The following PAMR1 variants were observed in gnomAD, a reference collection of about 807,000 sequenced individuals.
PAMR1 encodes peptidase domain containing associated with muscle regeneration 1.
A neutral mutation model predicts 81.8 loss-of-function variants in PAMR1; 88 were observed. That is an observed-to-expected ratio of 1.08 (90% CI 0.91 to 1.28). PAMR1 has a LOEUF of 1.28. PAMR1 is among the 50% of genes most tolerant of loss of function. The pLI, the probability that PAMR1 is intolerant of heterozygous loss-of-function variation, is 0.00. For missense variants in PAMR1, 935 were observed against 919.7 expected, an observed-to-expected ratio of 1.02 and a Z score of -0.21; for synonymous variants, 336 against 345.3, an observed-to-expected ratio of 0.97 and a Z score of 0.30.
chr11:35,482,433 C>T (rs992634414), intron 3 of PAMR1, among the ~76,000 whole-genome samples: 8 of 152,200 alleles, frequency 5.3e-5, no homozygotes, highest in Admixed American at 6.5e-5. Flanking sequence ...ATTTTGATTA[C>T]TGTAGCCTTG....
chr11:35,474,449 T>A (rs16927509), intron 4 of PAMR1, among the ~76,000 whole-genome samples, 181 bp downstream of exon 4: 47,888 of 152,126 alleles, frequency 0.31, 8,000 homozygotes, highest in African/African-American at 0.43. Flanking sequence ...TTCTAAAGTG[T>A]TGATGACAAG....
chr11:35,517,967 A>G (rs944881311), intron 1 of PAMR1, among the ~76,000 whole-genome samples: 1 of 152,232 alleles, frequency 6.6e-6, no homozygotes, highest in African/African-American at 2.4e-5. Context: ...GTGACTTTTC[A>G]GAGTCTCTAT....
intron 3 of PAMR1, among the ~76,000 whole-genome samples, chr11:35,481,555 C>T (rs145053786): frequency 0.015 from 2,293 of 151,850 alleles, 56 homozygotes; most frequent in African/African-American, 0.053. Context: ...CAGATTCTTG[C>T]TCCGTTGCCC....
rs796791589 is a variant in PAMR1, at chr11:35,523,880, T to A, written c.73+1633A>T. Among the ~76,000 whole-genome samples, 20 of 152,110 alleles carry A rather than the reference T, an allele frequency of 1.3e-4. 1 individual carries two copies. Among genetic ancestry groups the A allele is most frequent in the African/African-American group, 4.8e-4 (20 of 41,494 alleles). On this transcript the variant is annotated intron_variant, in intron 1 of 10. Transcript: ENST00000619888. Reference sequence around the variant, plus strand: ...TTTTCACAGCCAAAGGTAAAAGAGGTTCTCGGGTCAGAAATAAATGGATTT... The same window carrying A: ...TTTTCACAGCCAAAGGTAAAAGAGGATCTCGGGTCAGAAATAAATGGATTT...
chr11:35,447,287 C>T lies in PAMR1; in HGVS notation c.821-5594G>A, dbSNP rs903322551. On this transcript the variant is annotated intron_variant, in intron 6 of 10. Coordinates refer to ENST00000619888, the MANE Select transcript of PAMR1 (RefSeq NM_001001991.3). ...GTGCGATCTCGGCTCACTGCAAGCT[C>T]TGCCTCCCAGGTTCATGCCATTCTC... Among the ~76,000 whole-genome samples the T allele has an allele frequency of 3.3e-5, 5 of 149,428 alleles. No individual in the cohort carries two copies. In the Admixed American group the frequency reaches 3.4e-4, roughly 10 times the overall value.
chr11:35,516,739 A>G (rs986766390), intron 1 of PAMR1, among the ~76,000 whole-genome samples: 5 of 152,224 alleles, frequency 3.3e-5, no homozygotes, highest in Admixed American at 3.3e-4. Flanking sequence ...GTGCAAATCA[A>G]GGTCACAGTG....
chr11:35,484,568 C>T (rs1850463680), intron 3 of PAMR1, among the ~76,000 whole-genome samples: 2 of 152,242 alleles, frequency 1.3e-5, no homozygotes, highest in Non-Finnish European at 2.9e-5. Flanking sequence ...TCGGCCTGCA[C>T]AAATCCTCTT....
chr11:35,487,435 G>A (rs1850531959), intron 3 of PAMR1, among the ~76,000 whole-genome samples: 1 of 152,088 alleles, frequency 6.6e-6, no homozygotes, highest in South Asian at 2.1e-4. Context: ...GGTCAGTCAT[G>A]TCTCAGCTTA....
chr11:35,500,894 A>T (rs779085079), intron 1 of PAMR1, among the ~76,000 whole-genome samples: 2 of 152,192 alleles, frequency 1.3e-5, no homozygotes, highest in African/African-American at 4.8e-5. Flanking sequence ...TAAAAGATTT[A>T]AAAAATGGAA....
chr11:35,466,725 T>TAAAAAA (rs1856764176), intron 6 of PAMR1, among the ~76,000 whole-genome samples: 1 of 32,026 alleles, frequency 3.1e-5, no homozygotes, highest in African/African-American at 1.6e-4. Context: ...AGGCTCTATC[T>TAAAAAA]CAAAAAAAAA....
chr11:35,508,516 A>ATTTTTTTTTTTTTTT (rs59836040), intron 1 of PAMR1, among the ~76,000 whole-genome samples: 3 of 98,050 alleles, frequency 3.1e-5, no homozygotes, highest in African/African-American at 4.1e-5. Context: ...AGGAACCTCC[A>ATTTTTTTTTTTTTTT]TTTTTTTTTT....
intron 7 of PAMR1, among the ~76,000 whole-genome samples, chr11:35,440,322 A>G (rs1856138934): frequency 6.6e-6 from 1 of 152,230 alleles, no homozygotes; most frequent in Non-Finnish European, 1.5e-5. Flanking sequence ...ATTAATTTGT[A>G]AGAGAAGACT....
chr11:35,520,132 T>G (rs564682784), intron 1 of PAMR1, among the ~76,000 whole-genome samples: 1 of 152,330 alleles, frequency 6.6e-6, no homozygotes, highest in African/African-American at 2.4e-5. Flanking sequence ...TCCTTAGGTA[T>G]GCTAGAATGG....
chr11:35,486,852 T>A (rs1328104122), intron 3 of PAMR1, among the ~76,000 whole-genome samples: 1 of 152,188 alleles, frequency 6.6e-6, no homozygotes, highest in Non-Finnish European at 1.5e-5. Flanking sequence ...CTTACTCACA[T>A]GGAGCGACTG....
intron 1 of PAMR1, among the ~76,000 whole-genome samples, chr11:35,502,669 T>C (rs1224231026): frequency 6.6e-6 from 1 of 152,156 alleles, no homozygotes; most frequent in Non-Finnish European, 1.5e-5. Flanking sequence ...ATTGATGGTT[T>C]TGCCCATTTT....
At position 35,432,512 on chromosome 11, in the gene PAMR1, C is replaced by G; in HGVS notation, c.2007G>C (p.Ala669=). 1 of 1,614,216 alleles carries G rather than the reference C, an allele frequency of 6.2e-7. No individual in the cohort carries two copies. The highest frequency in any genetic ancestry group is 2.2e-5 in the East Asian group (1 of 44,878). The part of the protein sequence containing the change: ...DICTAETGGI[A]AVSFPGRASP... ...ATGCTCGTCCCGGGAAGGACACAGC[C>G]GCGATGCCTCCTGTCTCTGCAGTGC... The change falls in exon 11 of 11, where the codon GCG becomes GCC. Residue 669 remains alanine (A), a synonymous_variant. Transcript: ENST00000619888.
chr11:35,474,624 C>G lies in PAMR1; in HGVS notation c.494+6G>C. ...AGACTCCTGACTTCTGGCCCCAGCT[C>G]CTTACCTTAGTTGGATGACAAACCC... On this transcript the variant is annotated splice_donor_region_variant and intron_variant, in intron 4 of 10. Coordinates refer to ENST00000619888, the MANE Select transcript of PAMR1 (RefSeq NM_001001991.3). 3 of 1,549,078 alleles carry G rather than the reference C, an allele frequency of 1.9e-6. No homozygotes were observed. The highest frequency in any genetic ancestry group is 2.6e-6 in the Non-Finnish European group (3 of 1,132,432).
intron 3 of PAMR1, among the ~76,000 whole-genome samples, chr11:35,477,862 C>T (rs572336081): frequency 3.0e-4 from 46 of 152,166 alleles, no homozygotes; most frequent in African/African-American, 1.1e-3. Context: ...AATTTTTGCC[C>T]GCTCCCTTTT....
At chr11:35,468,347 C>G (rs905537799) in intron 5 of PAMR1, among the ~76,000 whole-genome samples, 4 of 152,166 alleles carry the variant, frequency 2.6e-5, no homozygotes, top group African/African-American at 9.7e-5. Context: ...CTTAACGCTC[C>G]TATAGTCTGA....
Sources: allele counts gnomAD v4.1 joint callset (sites outside exome capture counted in the v4.1 genomes callset), GRCh38; gene constraint gnomAD v4.1.1; transcripts MANE v1.5; gene names NCBI Gene and HGNC (gene_info 2026-07-23, HGNC 2026-07-21).